Variants in TMEM132D observed in about 807,000 individuals in gnomAD.
TMEM132D encodes transmembrane protein 132D.
Under a neutral mutation model 62.3 loss-of-function variants are expected in TMEM132D, and 21 were observed. That is an observed-to-expected ratio of 0.34 (90% CI 0.24 to 0.49). The LOEUF (loss-of-function observed/expected upper bound fraction) is 0.49, where lower values mean the gene tolerates loss of function less well. TMEM132D is among the 20% of genes least tolerant of loss of function. The pLI, the probability that TMEM132D is intolerant of heterozygous loss-of-function variation, is 0.99. For missense variants in TMEM132D, 1,346 were observed against 1,402.8 expected, an observed-to-expected ratio of 0.96 and a Z score of 0.65; for synonymous variants, 621 against 575.6, an observed-to-expected ratio of 1.08 and a Z score of -1.13.
rs1593011930 is a variant in TMEM132D, at chr12:129,445,729, A to C, written c.1115+85330T>G. Among the ~76,000 whole-genome samples the C allele has an allele frequency of 3.3e-5, 5 of 152,272 alleles. 1 individual carries two copies. The highest frequency in any genetic ancestry group is 3.3e-4 in the Admixed American group (5 of 15,290). ...ATCTTAAAGCTCTGGAGTTCACCCAAATAAACCACCCATAGTCACAGTTCA... is the reference window on the plus strand; with the variant it reads ...ATCTTAAAGCTCTGGAGTTCACCCACATAAACCACCCATAGTCACAGTTCA... On this transcript the variant is annotated intron_variant, in intron 3 of 8. Transcript: ENST00000422113.
chr12:129,328,837 A>C (rs1017695950), intron 4 of TMEM132D, among the ~76,000 whole-genome samples: 1 of 152,038 alleles, frequency 6.6e-6, no homozygotes, highest in South Asian at 2.1e-4. Context: ...CTGGAATCTA[A>C]TTTCAGCTCA....
At chr12:129,466,061 C>A (rs1261276480) in intron 3 of TMEM132D, among the ~76,000 whole-genome samples, 1 of 152,136 alleles carries the variant, frequency 6.6e-6, no homozygotes, top group African/African-American at 2.4e-5. Context: ...TGAGACAATG[C>A]AAGTAAATTG....
chr12:129,638,329 T>G (rs949988567), intron 2 of TMEM132D, among the ~76,000 whole-genome samples: 5 of 152,112 alleles, frequency 3.3e-5, no homozygotes, highest in Admixed American at 2.6e-4. Context: ...CCCCAAATTA[T>G]GTGACACATC....
At chr12:129,830,962 G>C (rs192486845) in intron 1 of TMEM132D, among the ~76,000 whole-genome samples, 117 of 152,220 alleles carry the variant, frequency 7.7e-4, no homozygotes, top group African/African-American at 2.7e-3. Context: ...AGGACTCTCC[G>C]TCTGGCTCCC....
intron 1 of TMEM132D, among the ~76,000 whole-genome samples, chr12:129,764,921 C>A (rs568217474): frequency 6.6e-6 from 1 of 151,904 alleles, no homozygotes; most frequent in South Asian, 2.1e-4. Context: ...AGCCTGGGGG[C>A]CACAGCAAGA....
At position 129,858,935 on chromosome 12, in the gene TMEM132D, C is replaced by T. The variant is rs1191986021; in HGVS notation, c.79+44326G>A. On this transcript the variant is annotated intron_variant, in intron 1 of 8. Coordinates refer to ENST00000422113, the MANE Select transcript of TMEM132D (RefSeq NM_133448.3). ...GGATGGCTGCCCTTGTAACGGAGTC[C>T]GGGGGAACGGGATGGGTGCCCTTGG... 2.6e-5 allele frequency among the ~76,000 whole-genome samples: 3 copies of T among 117,552 alleles called. No homozygotes were observed. In the East Asian group the frequency reaches 6.9e-4, roughly 27 times the overall value. 77.1% of individuals were successfully genotyped at this position (117,552 alleles called of 152,430 possible). A position where few individuals can be genotyped will look rare whatever the true frequency, so the allele number is the denominator to read the frequency against.
At chr12:129,384,414 T>C (rs1193155628) in intron 3 of TMEM132D, among the ~76,000 whole-genome samples, 5 of 152,000 alleles carry the variant, frequency 3.3e-5, no homozygotes, top group African/African-American at 1.2e-4. Flanking sequence ...CCCAGGGCTG[T>C]AGACCACTTT....
intron 2 of TMEM132D, among the ~76,000 whole-genome samples, chr12:129,612,396 C>T (rs1056048621): frequency 6.6e-6 from 1 of 152,186 alleles, no homozygotes; most frequent in African/African-American, 2.4e-5. Context: ...CTGCTTCTTG[C>T]TCCTGGACGC....
intron 4 of TMEM132D, among the ~76,000 whole-genome samples, chr12:129,273,582 A>G (rs1236492885): frequency 1.3e-5 from 2 of 151,892 alleles, no homozygotes; most frequent in South Asian, 2.1e-4. Context: ...AATATTATGC[A>G]GCCATAACAG....
chr12:129,350,063 C>T (rs1044985961), intron 3 of TMEM132D, among the ~76,000 whole-genome samples: 4 of 152,168 alleles, frequency 2.6e-5, no homozygotes, highest in African/African-American at 4.8e-5. Flanking sequence ...ATTACGGGTT[C>T]GAGTGGTCCC....
At chr12:129,855,103 C>CCGGGGGAA in intron 1 of TMEM132D, among the ~76,000 whole-genome samples, 1 of 133,328 alleles carries the variant, frequency 7.5e-6, no homozygotes, top group Non-Finnish European at 1.7e-5. Flanking sequence ...ATAACAGAGT[C>CCGGGGGAA]CGGGGGAACG....
chr12:129,494,995 T>G (rs1874907847), intron 3 of TMEM132D, among the ~76,000 whole-genome samples: 1 of 152,054 alleles, frequency 6.6e-6, no homozygotes, highest in African/African-American at 2.4e-5. Flanking sequence ...GCACATACGC[T>G]TGGTGTTGAG....
rs188264326 is a variant in TMEM132D at position 129,081,460 on chromosome 12, G to A, written c.1923+299C>T. ...ACCACAGGCATGCACCACCACACTC[G>A]GGTAATTTTTTGTATTTTTGGTAGA... On this transcript the variant is annotated intron_variant, in intron 7 of 8. Coordinates refer to ENST00000422113, the MANE Select transcript of TMEM132D (RefSeq NM_133448.3). Among the ~76,000 whole-genome samples the A allele has an allele frequency of 4.0e-4, 61 of 152,120 alleles. No homozygotes were observed. The East Asian group carries it at 0.01, about 25-fold the overall frequency.
intron 5 of TMEM132D, among the ~76,000 whole-genome samples, chr12:129,117,708 T>C (rs1271426936): frequency 6.6e-6 from 1 of 152,210 alleles, no homozygotes; most frequent in Non-Finnish European, 1.5e-5. Flanking sequence ...ATGTGTGATC[T>C]CAGACTCTAT....
chr12:129,420,056 C>T (rs1047665321), intron 3 of TMEM132D, among the ~76,000 whole-genome samples: 3 of 152,058 alleles, frequency 2.0e-5, no homozygotes, highest in Non-Finnish European at 4.4e-5. Context: ...TCTTAAAAGG[C>T]CACACTTGGA....
At chr12:129,814,631 A>AAC (rs1555233443) in intron 1 of TMEM132D, among the ~76,000 whole-genome samples, 1 of 149,950 alleles carries the variant, frequency 6.7e-6, no homozygotes, top group Non-Finnish European at 1.5e-5. Context: ...AAAAAAAAAA[A>AAC]CTAAATAAAA....
intron 2 of TMEM132D, among the ~76,000 whole-genome samples, chr12:129,631,123 T>C (rs752838209): frequency 9.2e-5 from 14 of 152,096 alleles, no homozygotes; most frequent in Non-Finnish European, 1.8e-4. Flanking sequence ...AACAATGGGG[T>C]GCAGAGATGC....
chr12:129,230,502 G>T (rs1392951165), intron 4 of TMEM132D, among the ~76,000 whole-genome samples: 2 of 152,218 alleles, frequency 1.3e-5, no homozygotes, highest in Non-Finnish European at 2.9e-5. Flanking sequence ...ATGGACACTG[G>T]TCTCATTCTC....
rs572038225 is a variant in TMEM132D at position 129,624,106 on chromosome 12, C to T, written c.968+75704G>A. Among the ~76,000 whole-genome samples the T allele has an allele frequency of 2.6e-5, 4 of 152,200 alleles. No homozygotes were observed. The East Asian group carries it at 7.7e-4, about 29-fold the overall frequency. Reference sequence around the variant, plus strand: ...CCCTGCCTTTGTTTATCTTGTGTTGCTGGGAAAACTATAGAGCAGAGACTA... The same window carrying T: ...CCCTGCCTTTGTTTATCTTGTGTTGTTGGGAAAACTATAGAGCAGAGACTA... On this transcript the variant is annotated intron_variant, in intron 2 of 8. Transcript: ENST00000422113.
Sources: allele counts gnomAD v4.1 joint callset (sites outside exome capture counted in the v4.1 genomes callset), GRCh38; gene constraint gnomAD v4.1.1; transcripts MANE v1.5; gene names NCBI Gene and HGNC (gene_info 2026-07-23, HGNC 2026-07-21).